The following IQCH variants were observed in gnomAD, a reference collection of about 807,000 sequenced individuals.
IQCH encodes the protein IQ motif containing H.
A neutral mutation model predicts 117.0 loss-of-function variants in IQCH; 98 were observed. The ratio of observed to expected loss-of-function variants is 0.84; its 90% CI spans 0.71 to 0.99. The LOEUF is 0.99. Among genes scored for constraint, IQCH ranks in the 50% least tolerant of loss-of-function variants. IQCH has a pLI of 0.00. For missense variants in IQCH, 1,102 were observed against 1,243.8 expected (o/e 0.89, Z 1.72); for synonymous variants, 412 against 448.2 (o/e 0.92, Z 1.02).
intron 10 of IQCH, among the ~76,000 whole-genome samples, chr15:67,378,464 C>G (rs891273592): frequency 1.3e-5 from 2 of 148,176 alleles, no homozygotes; most frequent in East Asian, 3.9e-4. Flanking sequence ...ATACTAGATC[C>G]TTGGGATAGG....
At chr15:67,260,041 G>C (rs888330099) in intron 1 of IQCH, among the ~76,000 whole-genome samples, 3 of 152,188 alleles carry the variant, frequency 2.0e-5, no homozygotes, top group African/African-American at 7.2e-5. Context: ...AGTAATGCAG[G>C]CTGGATCAGT....
chr15:67,451,944 C>T (rs1309878229), intron 16 of IQCH, among the ~76,000 whole-genome samples: 1 of 152,146 alleles, frequency 6.6e-6, no homozygotes, highest in Non-Finnish European at 1.5e-5. Context: ...ATAGTTAGCT[C>T]TTCTTGTTGA....
chr15:67,333,252 CA>C (rs1968745167), intron 4 of IQCH, among the ~76,000 whole-genome samples: 1 of 152,204 alleles, frequency 6.6e-6, no homozygotes, highest in Non-Finnish European at 1.5e-5. Context: ...CATTTATTTA[CA>C]AATTGTCTGC....
chr15:67,492,362 C>A (rs917370519), intron 19 of IQCH, among the ~76,000 whole-genome samples: 15 of 152,134 alleles, frequency 9.9e-5, no homozygotes. Context: ...TGGGACACGA[C>A]TGGAACCAGA....
intron 17 of IQCH, among the ~76,000 whole-genome samples, chr15:67,468,749 G>A (rs778909400): frequency 3.3e-5 from 5 of 152,136 alleles, no homozygotes; most frequent in Non-Finnish European, 7.4e-5. Context: ...TCATTTATTT[G>A]TGGTCCCTTA....
At chr15:67,375,106 T>C (rs1596281052) in intron 10 of IQCH, among the ~76,000 whole-genome samples, 1 of 152,212 alleles carries the variant, frequency 6.6e-6, no homozygotes, top group South Asian at 2.1e-4. Context: ...GTAATCGTTA[T>C]GTAAACTAGG....
At chr15:67,461,136 G>A (rs1391515601) in intron 16 of IQCH, among the ~76,000 whole-genome samples, 1 of 152,200 alleles carries the variant, frequency 6.6e-6, no homozygotes, top group Non-Finnish European at 1.5e-5. Context: ...AGCACTTTGG[G>A]AGGTCGAGGT....
chr15:67,482,879 G>C (rs1396073650), intron 18 of IQCH, among the ~76,000 whole-genome samples: 3 of 152,176 alleles, frequency 2.0e-5, no homozygotes, highest in Non-Finnish European at 2.9e-5. Context: ...GACTGCAGTT[G>C]CCTGGGGAAA....
Position 67,333,404 on chromosome 15 carries a change from A to G in IQCH, c.388-3571A>G, listed in dbSNP as rs1410265231. On this transcript the variant is annotated intron_variant, in intron 4 of 20. Coordinates refer to ENST00000335894, the MANE Select transcript of IQCH (RefSeq NM_001031715.3). Reference sequence around the variant, plus strand: ...TTCAGAGAAATCTTGTGGTAAAGAAATATTTATTTGAAGTTTAATAATGTG... The same window carrying G: ...TTCAGAGAAATCTTGTGGTAAAGAAGTATTTATTTGAAGTTTAATAATGTG... Among the ~76,000 whole-genome samples the G allele has an allele frequency of 2.0e-5, 3 of 152,240 alleles. No homozygotes were observed. In the East Asian group the frequency reaches 5.8e-4, roughly 29 times the overall value.
chr15:67,399,266 G>T (rs139959317), intron 13 of IQCH, among the ~76,000 whole-genome samples: 21 of 152,270 alleles, frequency 1.4e-4, no homozygotes, highest in African/African-American at 5.1e-4. Flanking sequence ...ACATATAAAA[G>T]AAAACTAGTA....
intron 4 of IQCH, chr15:67,282,020 G>A (rs1966381036): frequency 6.5e-6 from 2 of 307,898 alleles, no homozygotes; most frequent in Non-Finnish European, 6.5e-6. Flanking sequence ...GAGGCACGCT[G>A]GGCTGAATAA....
intron 10 of IQCH, chr15:67,373,768 C>T (rs1005082522): frequency 7.5e-6 from 3 of 399,550 alleles, no homozygotes; most frequent in African/African-American, 6.2e-5. Context: ...TAGAAGAACA[C>T]AGGCTTGTAT....
rs1329081931 is a variant in IQCH at position 67,467,469 on chromosome 15, T to C, written c.2676+2172T>C. On this transcript the variant is annotated intron_variant, in intron 17 of 20. Transcript: ENST00000335894. The surrounding 1 kb of genome is among the most constrained non-coding windows in gnomAD (Gnocchi z 5.7). ...GCATGCACACAAAAGGGAGGCATTATGATCTTCAATAAGGCCAATACCTCT... is the reference window on the plus strand; with the variant it reads ...GCATGCACACAAAAGGGAGGCATTACGATCTTCAATAAGGCCAATACCTCT... Among the ~76,000 whole-genome samples, 1 of 152,256 alleles carries C rather than the reference T, an allele frequency of 6.6e-6. No homozygotes were observed. The highest frequency in any genetic ancestry group is 2.4e-5 in the African/African-American group (1 of 41,478).
At chr15:67,278,762 G>C (rs943099955) in intron 3 of IQCH, among the ~76,000 whole-genome samples, 1 of 152,136 alleles carries the variant, frequency 6.6e-6, no homozygotes, top group African/African-American at 2.4e-5. Context: ...TTATTGGTGG[G>C]TGAGTTTTGT....
Position 67,474,532 on chromosome 15 carries a change from T to C in IQCH, c.2677-1164T>C, listed in dbSNP as rs979089536. Among the ~76,000 whole-genome samples, 1 of 152,200 alleles carries C rather than the reference T, an allele frequency of 6.6e-6. No homozygotes were observed. Among genetic ancestry groups the C allele is most frequent in the Non-Finnish European group, 1.5e-5 (1 of 68,032 alleles). The stretch of plus-strand genomic sequence containing the variant: ...GATCCAGTTCTTTATCTGGTACATA[T>C]TAAATTTTAAATGTTTTCAGGAAAT... On this transcript the variant is annotated intron_variant, in intron 17 of 20. Coordinates refer to ENST00000335894, the MANE Select transcript of IQCH (RefSeq NM_001031715.3). The surrounding 1 kb of genome is among the most constrained non-coding windows in gnomAD (Gnocchi z 4.1).
chr15:67,297,858 C>T (rs781140260), intron 4 of IQCH, among the ~76,000 whole-genome samples: 1 of 152,080 alleles, frequency 6.6e-6, no homozygotes, highest in Admixed American at 6.6e-5. Context: ...AGTTAAAAAG[C>T]TTCTGCACAG....
intron 8 of IQCH, chr15:67,371,556 T>A: frequency 7.1e-7 from 1 of 1,414,430 alleles, no homozygotes; most frequent in East Asian, 2.3e-5. Context: ...AACATAATGT[T>A]CCTTGTAAAA....
intron 4 of IQCH, among the ~76,000 whole-genome samples, chr15:67,303,075 C>T (rs1252072631): frequency 2.0e-5 from 3 of 152,126 alleles, no homozygotes; most frequent in African/African-American, 7.2e-5. Flanking sequence ...CTGTCCAATT[C>T]CTACAACATT....
chr15:67,271,677 T>G lies in IQCH; in HGVS notation c.270-7718T>G, dbSNP rs201575478. Among the ~76,000 whole-genome samples the G allele has an allele frequency of 7.9e-5, 12 of 152,326 alleles. No homozygotes were observed. In the East Asian group the frequency reaches 2.3e-3, roughly 29 times the overall value. ...AAGTGTCCAGGAATTTATCTGTTCC[T>G]TCTAGATTTTCCAAATTGTAAATTG... On this transcript the variant is annotated intron_variant, in intron 3 of 20. Transcript: ENST00000335894.
Sources: allele counts gnomAD v4.1 joint callset (sites outside exome capture counted in the v4.1 genomes callset), GRCh38; gene constraint gnomAD v4.1.1; non-coding constraint Gnocchi (gnomAD v3.1); transcripts MANE v1.5; gene names NCBI Gene and HGNC (gene_info 2026-07-23, HGNC 2026-07-21).